The following ZNF248 variants were observed in gnomAD, a reference collection of about 807,000 sequenced individuals.
ZNF248 encodes KRAB protein domain.
Under a neutral mutation model 44.3 loss-of-function variants are expected in ZNF248, and 20 were observed. That is an observed-to-expected ratio of 0.45 (90% confidence interval 0.32 to 0.66). The LOEUF (loss-of-function observed/expected upper bound fraction) is 0.66. Ranked by LOEUF, ZNF248 falls within the 30% of genes least tolerant of loss-of-function variation. The pLI, the probability that ZNF248 is intolerant of heterozygous loss-of-function variation, is 0.04. For missense variants in ZNF248, 654 were observed against 677.0 expected (o/e 0.97, Z 0.38); for synonymous variants, 224 against 229.0 (o/e 0.98, Z 0.20).
chr10:37,819,797 T>C, intron 6 of ZNF248: 1 of 783,080 alleles, frequency 1.3e-6, no homozygotes, highest in Non-Finnish European at 2.4e-6. Context: ...TGCAGGAGGG[T>C]CCTGACCCAT....
At chr10:37,840,930 A>T (rs1437461941) in intron 3 of ZNF248, among the ~76,000 whole-genome samples, 1 of 152,202 alleles carries the variant, frequency 6.6e-6, no homozygotes, top group Admixed American at 6.5e-5. Flanking sequence ...GCTATGTCAA[A>T]GGGACACAGG....
chr10:37,824,436 A>G (rs1030561667), downstream of ZNF248, among the ~76,000 whole-genome samples: 1 of 152,128 alleles, frequency 6.6e-6, no homozygotes, highest in Admixed American at 6.5e-5. Flanking sequence ...TATAAAATTA[A>G]CCATCACAGT....
At chr10:37,765,686 C>T in the ZNF248 span, among the ~76,000 whole-genome samples, 1 of 152,206 alleles carries the variant, frequency 6.6e-6, no homozygotes, top group Non-Finnish European at 1.5e-5. Flanking sequence ...GTCTACAGCT[C>T]CCAGCGTGAG....
intron 5 of ZNF248, among the ~76,000 whole-genome samples, chr10:37,836,539 C>A (rs745454841): frequency 1.3e-5 from 2 of 152,164 alleles, no homozygotes; most frequent in Non-Finnish European, 2.9e-5. Context: ...CTGGACTACA[C>A]TGAATCCACA....
At chr10:37,855,562 G>C (rs2061141352) in intron 3 of ZNF248, among the ~76,000 whole-genome samples, 1 of 152,172 alleles carries the variant, frequency 6.6e-6, no homozygotes, top group African/African-American at 2.4e-5. Context: ...ATGAGGACTA[G>C]GGAGGGAATC....
intron 3 of ZNF248, among the ~76,000 whole-genome samples, chr10:37,846,677 A>G (rs1293279087): frequency 6.6e-6 from 1 of 152,148 alleles, no homozygotes; most frequent in Non-Finnish European, 1.5e-5. Context: ...CCGAGAGGAC[A>G]ATGAGATGTT....
chr10:37,819,008 G>A, intron 6 of ZNF248: 2 of 902,804 alleles, frequency 2.2e-6, no homozygotes, highest in Non-Finnish European at 3.7e-6. Context: ...ATAAGTGCCA[G>A]CACCTTGTGA....
intron 6 of ZNF248, among the ~76,000 whole-genome samples, chr10:37,777,288 G>A (rs950006789): frequency 3.9e-5 from 6 of 152,168 alleles, no homozygotes; most frequent in Non-Finnish European, 5.9e-5. Flanking sequence ...CTTCACCAGC[G>A]TTGCAACTCC....
At chr10:37,821,767 C>T (rs1391378120) in intron 6 of ZNF248, among the ~76,000 whole-genome samples, 4 of 152,166 alleles carry the variant, frequency 2.6e-5, no homozygotes, top group East Asian at 1.9e-4. Context: ...AAACACAAGA[C>T]GCTAATGGAT....
Position 37,833,044 on chromosome 10 carries a change from A to G in ZNF248, c.311T>C (p.Leu104Pro). The change falls in exon 6 of 6, where the codon CTA becomes CCA. Residue 104 changes from leucine (L) to proline (P), a missense_variant. Transcript: ENST00000395867. ...ENEDDHFWEL[L>P]FHNNKTVSVE... Reference sequence around the variant, plus strand: ...ACTTACTGTTTTGTTGTTGTGGAATAGAAGCTCCCAAAAATGGTCATCTTC... The same window carrying G: ...ACTTACTGTTTTGTTGTTGTGGAATGGAAGCTCCCAAAAATGGTCATCTTC... 1 of 1,612,494 alleles carries G rather than the reference A, an allele frequency of 6.2e-7. No individual in the cohort carries two copies. Among genetic ancestry groups the G allele is most frequent in the East Asian group, 2.2e-5 (1 of 44,838 alleles).
intron 6 of ZNF248, among the ~76,000 whole-genome samples, chr10:37,816,952 A>G (rs560084774): frequency 2.6e-5 from 4 of 152,026 alleles, no homozygotes; most frequent in Admixed American, 1.3e-4. Context: ...CTGGGCCCCT[A>G]TATTCTCAGG....
At chr10:37,798,487 T>C (rs1395379109) in intron 6 of ZNF248, among the ~76,000 whole-genome samples, 1 of 152,174 alleles carries the variant, frequency 6.6e-6, no homozygotes, top group East Asian at 1.9e-4. Flanking sequence ...TGCACTAATT[T>C]GGAAAGATCT....
chr10:37,820,586 T>G, intron 6 of ZNF248: 1 of 1,596,772 alleles, frequency 6.3e-7, no homozygotes, highest in Non-Finnish European at 8.6e-7. Context: ...AAACTCAAAG[T>G]AATCACTAAT....
At position 37,780,339 on chromosome 10, in the gene ZNF248, C is replaced by A. The variant is rs542980650; in HGVS notation, c.331-3764G>T. Among the ~76,000 whole-genome samples, 9 of 152,274 alleles carry A rather than the reference C, an allele frequency of 5.9e-5. No individual in the cohort carries two copies. In the East Asian group the frequency reaches 1.7e-3, roughly 29 times the overall value. On this transcript the variant is annotated intron_variant, in intron 6 of 6. Transcript: ENST00000615949. The stretch of plus-strand genomic sequence containing the variant: ...AGAGATATAAATCAATGGAACAGAA[C>A]AGAGCCCTCAGAAATAACGCCACAT...
chr10:37,771,317 G>A, the ZNF248 span, among the ~76,000 whole-genome samples: 2 of 152,120 alleles, frequency 1.3e-5, no homozygotes, highest in South Asian at 2.1e-4. Context: ...AAAGACACAT[G>A]CACACGTATG....
chr10:37,764,198 T>A, the ZNF248 span, among the ~76,000 whole-genome samples: 2 of 151,624 alleles, frequency 1.3e-5, no homozygotes. Context: ...TAGGGGGAGG[T>A]CTCTAAAATG....
At chr10:37,769,407 CA>C in the ZNF248 span, among the ~76,000 whole-genome samples, 6 of 152,154 alleles carry the variant, frequency 3.9e-5, no homozygotes, top group Non-Finnish European at 1.5e-5. Context: ...AGCAGCACAT[CA>C]AAAAGCTTAT....
chr10:37,822,645 C>G (rs2053661672), intron 6 of ZNF248, among the ~76,000 whole-genome samples: 1 of 144,010 alleles, frequency 6.9e-6, no homozygotes, highest in Non-Finnish European at 1.5e-5. Flanking sequence ...GGTGTCCAAT[C>G]TTGATCAGGG....
the ZNF248 span, among the ~76,000 whole-genome samples, chr10:37,762,653 A>T: frequency 1.3e-5 from 2 of 152,020 alleles, no homozygotes; most frequent in Non-Finnish European, 2.9e-5. Flanking sequence ...TTTTTGGCCA[A>T]CTCCTGTACT....
Sources: allele counts gnomAD v4.1 joint callset (sites outside exome capture counted in the v4.1 genomes callset), GRCh38; gene constraint gnomAD v4.1.1; transcripts MANE v1.5; gene names NCBI Gene and HGNC (gene_info 2026-07-23, HGNC 2026-07-21).